LDLRAD4: variants seen among roughly 807,000 people sequenced by gnomAD.
LDLRAD4 encodes low-density lipoprotein receptor class A domain-containing protein 4.
A neutral mutation model predicts 17.0 loss-of-function variants in LDLRAD4; 5 were observed. That is an observed-to-expected ratio of 0.29 (90% confidence interval 0.15 to 0.62). The LOEUF (loss-of-function observed/expected upper bound fraction) is 0.62. LDLRAD4 is among the 20% of genes least tolerant of loss of function. The pLI, the probability that LDLRAD4 is intolerant of heterozygous loss-of-function variation, is 0.84. For synonymous variants in LDLRAD4, 168 were observed against 171.8 expected (o/e 0.98, Z 0.17); for missense variants, 340 against 424.7 (o/e 0.80, Z 1.75).
chr18:13,338,010 T>C (rs1269993653), intron 1 of LDLRAD4, among the ~76,000 whole-genome samples: 1 of 152,200 alleles, frequency 6.6e-6, no homozygotes, highest in African/African-American at 2.4e-5. Context: ...TAGCAAGTTA[T>C]GGTTACAGAA....
At chr18:13,261,738 G>C (rs1455225809) in intron 1 of LDLRAD4, among the ~76,000 whole-genome samples, 1 of 152,126 alleles carries the variant, frequency 6.6e-6, no homozygotes, top group East Asian at 1.9e-4. Flanking sequence ...CATCTATATT[G>C]AAGACTGCCC....
intron 2 of LDLRAD4, among the ~76,000 whole-genome samples, chr18:13,427,673 T>A (rs2090047300): frequency 6.6e-6 from 1 of 152,132 alleles, no homozygotes; most frequent in Non-Finnish European, 1.5e-5. Flanking sequence ...TAGGGACAGA[T>A]GGAAAAAGCC....
chr18:13,558,313 G>A (rs1005352802), intron 3 of LDLRAD4, among the ~76,000 whole-genome samples: 1 of 152,190 alleles, frequency 6.6e-6, no homozygotes, highest in Non-Finnish European at 1.5e-5. Flanking sequence ...CTGGGGATCC[G>A]CCCAGGCCAC....
At chr18:13,627,622 T>G (rs2041292141) in intron 4 of LDLRAD4, among the ~76,000 whole-genome samples, 1 of 152,198 alleles carries the variant, frequency 6.6e-6, no homozygotes, top group Non-Finnish European at 1.5e-5. Flanking sequence ...CCTGCCTGGT[T>G]AGGAGTTGAG....
chr18:13,431,474 G>C (rs1227112371), intron 2 of LDLRAD4, among the ~76,000 whole-genome samples: 2 of 152,192 alleles, frequency 1.3e-5, no homozygotes, highest in East Asian at 1.9e-4. Flanking sequence ...AAAATGCCAG[G>C]TGGTGTTTTG....
chr18:13,296,101 C>T (rs113873600), intron 1 of LDLRAD4, among the ~76,000 whole-genome samples: 6 of 152,354 alleles, frequency 3.9e-5, no homozygotes, highest in African/African-American at 1.2e-4. Flanking sequence ...GGGCATCTCT[C>T]GTGCATCCCT....
chr18:13,642,668 C>T, intron 4 of LDLRAD4: 1 of 1,231,466 alleles, frequency 8.1e-7, no homozygotes, highest in African/African-American at 1.5e-5. Context: ...CGGGCCACCT[C>T]TGCCAGGGCT....
chr18:13,443,640 T>C (rs2091182796), intron 3 of LDLRAD4, among the ~76,000 whole-genome samples: 1 of 152,198 alleles, frequency 6.6e-6, no homozygotes, highest in Admixed American at 6.5e-5. Context: ...TTGAAGGATC[T>C]CTGATTCTGT....
rs755895246 is a variant in LDLRAD4, at chr18:13,645,090, T to C, written c.391-37T>C. 5.9e-5 allele frequency: 92 copies of C among 1,552,236 alleles called. No homozygotes were observed. Among genetic ancestry groups the C allele is most frequent in the Non-Finnish European group, 7.3e-5 (84 of 1,144,918 alleles). On this transcript the variant is annotated intron_variant, in intron 5 of 5. Coordinates refer to ENST00000359446, the Ensembl canonical transcript of LDLRAD4. The surrounding 1 kb of genome is among the most constrained non-coding windows in gnomAD (Gnocchi z 5.7). ...GACACATTTATGGTCATCATTGCGC[T>C]CAAACTGTCTTCAAGCCTCTCCTCT...
intron 1 of LDLRAD4, among the ~76,000 whole-genome samples, chr18:13,232,540 C>T (rs1434342802): frequency 6.6e-6 from 1 of 150,824 alleles, no homozygotes; most frequent in East Asian, 1.9e-4. Flanking sequence ...CGCCTTCCTT[C>T]CCTGCGTGGC....
At chr18:13,396,017 G>GT (rs2086663063) in intron 2 of LDLRAD4, among the ~76,000 whole-genome samples, 1 of 152,154 alleles carries the variant, frequency 6.6e-6, no homozygotes, top group African/African-American at 2.4e-5. Context: ...GGGTCTCTGT[G>GT]TTTTTTCAGG....
chr18:13,412,951 G>A (rs184437967), intron 2 of LDLRAD4, among the ~76,000 whole-genome samples: 4 of 152,302 alleles, frequency 2.6e-5, no homozygotes, highest in East Asian at 1.9e-4. Context: ...TCCTGGATGC[G>A]CTGCTTCCTT....
intron 3 of LDLRAD4, among the ~76,000 whole-genome samples, chr18:13,447,651 C>T (rs2146317809): frequency 1.3e-5 from 2 of 152,240 alleles, no homozygotes; most frequent in South Asian, 2.1e-4. Context: ...AGTAGTCTAG[C>T]GTGGATGTTA....
intron 3 of LDLRAD4, among the ~76,000 whole-genome samples, chr18:13,479,222 A>T (rs2093023688): frequency 6.6e-6 from 1 of 152,246 alleles, no homozygotes; most frequent in Non-Finnish European, 1.5e-5. Flanking sequence ...TTTGATGGTG[A>T]TGTTTTAGAT....
At chr18:13,218,369 A>G (rs1206632302), upstream of LDLRAD4, among the ~76,000 whole-genome samples, 1 of 151,614 alleles carries the variant, frequency 6.6e-6, no homozygotes, top group Non-Finnish European at 1.5e-5. Context: ...GACTTCGCCG[A>G]CCCCCACCCC....
chr18:13,554,162 T>C (rs1448785404), intron 3 of LDLRAD4, among the ~76,000 whole-genome samples: 1 of 152,200 alleles, frequency 6.6e-6, no homozygotes, highest in Non-Finnish European at 1.5e-5. Flanking sequence ...AGCCAACAGA[T>C]CAAGGAATAC....
intron 1 of LDLRAD4, among the ~76,000 whole-genome samples, chr18:13,378,054 T>C (rs2085057446): frequency 6.6e-6 from 1 of 152,190 alleles, no homozygotes; most frequent in South Asian, 2.1e-4. Context: ...AAGAGGCACT[T>C]GTGGAGCTGG....
intron 1 of LDLRAD4, among the ~76,000 whole-genome samples, chr18:13,359,161 A>G (rs914980747): frequency 2.6e-5 from 4 of 152,122 alleles, no homozygotes; most frequent in African/African-American, 9.7e-5. Context: ...GGCTTTGTGC[A>G]CAAGGACAGG....
At chr18:13,587,385 G>A (rs2094949710) in intron 3 of LDLRAD4, among the ~76,000 whole-genome samples, 1 of 152,190 alleles carries the variant, frequency 6.6e-6, no homozygotes, top group Non-Finnish European at 1.5e-5. Context: ...GCTAGAAGCA[G>A]GGAATCCCAG....
Sources: gnomAD v4.1 joint callset for allele counts (sites outside exome capture counted in the v4.1 genomes callset) on GRCh38, gnomAD v4.1.1 for gene constraint, Gnocchi (gnomAD v3.1) non-coding constraint, MANE v1.5 for transcripts, NCBI Gene and HGNC (gene_info 2026-07-23, HGNC 2026-07-21) for gene names.